Variants in LNPEP observed in about 807,000 individuals in gnomAD.
The protein encoded by LNPEP is leucyl and cystinyl aminopeptidase.
A neutral mutation model predicts 120.6 loss-of-function variants in LNPEP; 64 were observed. The observed-to-expected ratio is 0.53, with a 90% CI of 0.43 to 0.65. The LOEUF (loss-of-function observed/expected upper bound fraction) is 0.65. Among genes scored for constraint, LNPEP ranks in the 30% least tolerant of loss-of-function variants. The pLI, the probability that LNPEP is intolerant of heterozygous loss-of-function variation, is 0.00. For missense variants in LNPEP, 1,057 were observed against 1,200.0 expected (o/e 0.88, Z 1.76); for synonymous variants, 435 against 425.4 (o/e 1.02, Z -0.28).
At chr5:96,995,122 A>T (rs1251345752) in intron 6 of LNPEP, among the ~76,000 whole-genome samples, 2 of 152,184 alleles carry the variant, frequency 1.3e-5, no homozygotes, top group Non-Finnish European at 2.9e-5. Context: ...AAAATAGGTC[A>T]TATAGATAAG....
rs1790077963 is a variant in LNPEP, at chr5:96,979,626, A to G, written c.508A>G (p.Thr170Ala). The G allele has an allele frequency of 6.2e-7, 1 of 1,614,124 alleles. No homozygotes were observed. Among genetic ancestry groups the G allele is most frequent in the South Asian group, 1.1e-5 (1 of 91,088 alleles). The change falls in exon 2 of 18, where the codon ACT becomes GCT. Residue 170 changes from threonine to alanine, a missense_variant. Thr to Ala is a moderately conservative substitution (Grantham distance 58). Coordinates refer to ENST00000231368, the MANE Select transcript of LNPEP (RefSeq NM_005575.3). Reference sequence around the variant, plus strand: ...TCCATGGGCACAGATCAGGCTTCCCACTGCCGTTGTGCCACTACGCTATGA... The same window carrying G: ...TCCATGGGCACAGATCAGGCTTCCCGCTGCCGTTGTGCCACTACGCTATGA... The part of the protein sequence containing the change: ...LFPWAQIRLP[T>A]AVVPLRYELS...
chr5:96,998,096 A>G lies in LNPEP; in HGVS notation c.1604A>G (p.Gln535Arg), dbSNP rs1334691823. Reference protein sequence around the residue: ...NSSHPISSSVQSSEQIEEMFD... With the variant: ...NSSHPISSSVRSSEQIEEMFD... ...TCTCATCCAATATCATCATCTGTTC[A>G]GTCTTCAGAACAAATTGAAGAAATG... Residue 535 changes from glutamine to arginine, a missense_variant, in exon 8 of 18, where the codon CAG (glutamine) becomes CGG (arginine). Gln to Arg is a conservative substitution (Grantham distance 43, BLOSUM62 1). Coordinates refer to ENST00000231368, the MANE Select transcript of LNPEP (RefSeq NM_005575.3). 1 of 1,588,968 alleles carries G rather than the reference A, an allele frequency of 6.3e-7. No individual in the cohort carries two copies. Among genetic ancestry groups the G allele is most frequent in the Non-Finnish European group, 8.6e-7 (1 of 1,161,230 alleles).
chr5:96,989,344 T>C (rs1227102393), intron 4 of LNPEP, among the ~76,000 whole-genome samples: 1,057 of 24,006 alleles, frequency 0.044, 19 homozygotes, highest in African/African-American at 0.13. Flanking sequence ...ATATAATATA[T>C]AATATATTAT....
chr5:96,967,744 G>T (rs1172130185), intron 1 of LNPEP, among the ~76,000 whole-genome samples: 1 of 152,072 alleles, frequency 6.6e-6, no homozygotes, highest in Non-Finnish European at 1.5e-5. Context: ...AAGAGTTTAT[G>T]CATGGACATG....
intron 3 of LNPEP, 86 bp from the exon 4 acceptor site, chr5:96,986,453 C>G: frequency 1.5e-6 from 2 of 1,299,274 alleles, no homozygotes; most frequent in African/African-American, 1.5e-5. Flanking sequence ...CATTTATTTC[C>G]TATTTGAATT....
At chr5:97,008,929 AGC>A (rs951002436) in intron 11 of LNPEP, among the ~76,000 whole-genome samples, 8 of 151,886 alleles carry the variant, frequency 5.3e-5, no homozygotes, top group African/African-American at 1.9e-4. Context: ...TGGGATTACA[AGC>A]GTGAGCCACT....
chr5:96,964,108 T>C (rs1317729127), intron 1 of LNPEP, among the ~76,000 whole-genome samples: 1 of 151,024 alleles, frequency 6.6e-6, no homozygotes, highest in African/African-American at 2.4e-5. Context: ...ATGATTGATA[T>C]CAACTTTTTT....
intron 1 of LNPEP, among the ~76,000 whole-genome samples, chr5:96,967,314 T>TA (rs200632607): frequency 7.7e-4 from 105 of 136,396 alleles, no homozygotes; most frequent in Middle Eastern, 4.4e-3. Context: ...TTATTATTAT[T>TA]TTTTTTTTTT....
At chr5:96,957,756 T>C (rs913683551) in intron 1 of LNPEP, among the ~76,000 whole-genome samples, 3 of 152,202 alleles carry the variant, frequency 2.0e-5, no homozygotes, top group Non-Finnish European at 2.9e-5. Context: ...GTGAGACCCA[T>C]TGTAGACTTC....
chr5:96,936,804 G>A (rs1788904158), intron 1 of LNPEP: 1 of 141,818 alleles, frequency 7.1e-6, no homozygotes, highest in Non-Finnish European at 1.6e-5. Context: ...ACTGGCTGCA[G>A]ATCACATCAG....
In LNPEP at chr5:96,979,237, A is replaced by C; in HGVS notation, c.119A>C (p.Glu40Ala). 6.2e-7 allele frequency: 1 copy of C among 1,613,946 alleles called. No homozygotes were observed. Among genetic ancestry groups the C allele is most frequent in the Non-Finnish European group, 8.5e-7 (1 of 1,179,890 alleles). ...LAKEPCLHPL[E>A]PDEVEYEPRG... ...AAAGAGCCTTGTTTACATCCTCTAG[A>C]GCCTGATGAGGTGGAATATGAGCCC... is the stretch of plus-strand genomic sequence containing the variant. The change falls in exon 2 of 18, where the codon GAG becomes GCG. Residue 40 changes from glutamate (E) to alanine (A), a missense_variant. Glu to Ala is a moderately radical substitution (Grantham distance 107). Coordinates refer to ENST00000231368, the MANE Select transcript of LNPEP (RefSeq NM_005575.3).
rs890860169 is a variant in LNPEP at position 97,032,792 on chromosome 5, G to A, written c.*4259G>A. ...GCGGTGGTCCAAAAGCATGACAGAT[G>A]TCCCCTTTGCGTTTCTCCTTATTGT... On this transcript the variant is annotated 3_prime_UTR_variant, in exon 18 of 18. Coordinates refer to ENST00000231368, the MANE Select transcript of LNPEP (RefSeq NM_005575.3). 2.6e-5 allele frequency: 4 copies of A among 152,066 alleles called. No individual in the cohort carries two copies. The highest frequency in any genetic ancestry group is 9.7e-5 in the African/African-American group (4 of 41,396). 9.4% of individuals were successfully genotyped at this position (152,066 alleles called of 1,614,324 possible). A position where few individuals can be genotyped will look rare whatever the true frequency, so the allele number is the denominator to read the frequency against.
chr5:96,962,264 G>A (rs934471762), intron 1 of LNPEP, among the ~76,000 whole-genome samples: 2 of 152,130 alleles, frequency 1.3e-5, no homozygotes, highest in African/African-American at 4.8e-5. Flanking sequence ...GGTGTTAAAG[G>A]GGTATACGTA....
rs142298642 is a variant in LNPEP at position 96,990,235 on chromosome 5, C to G, written c.1132-2780C>G. Among the ~76,000 whole-genome samples the G allele has an allele frequency of 4.1e-3, 617 of 152,164 alleles. 5 individuals are homozygous for G. The highest frequency in any genetic ancestry group is 0.014 in the African/African-American group (594 of 41,526). ...GTGTGTGTGTGTATATTAAAACTGA[C>G]TTCTGTAGGGGAAAGATGCAGGAAA... On this transcript the variant is annotated intron_variant, in intron 4 of 17. Transcript: ENST00000231368.
Position 96,979,387 on chromosome 5 carries a change from A to G in LNPEP, c.269A>G (p.Asn90Ser). The G allele has an allele frequency of 6.2e-7, 1 of 1,614,108 alleles. No homozygotes were observed. Among genetic ancestry groups the G allele is most frequent in the Non-Finnish European group, 8.5e-7 (1 of 1,179,984 alleles). Residue 90 changes from asparagine to serine, a missense_variant, in exon 2 of 18, where the codon AAC (asparagine) becomes AGC (serine). Physicochemically the swap from Asn to Ser is conservative, Grantham distance 46. Transcript: ENST00000231368. ...SFMNRSSGLR[N>S]SATGYRQSPD... is the part of the protein sequence containing the mutation. ...ATGAATAGAAGCTCAGGCCTTCGGA[A>G]CAGTGCAACTGGTTACAGGCAGAGC...
chr5:96,976,720 C>CA (rs1790005854), intron 1 of LNPEP, among the ~76,000 whole-genome samples: 1 of 150,732 alleles, frequency 6.6e-6, no homozygotes, highest in African/African-American at 2.4e-5. Flanking sequence ...GTAAAAAAGT[C>CA]AAAAAAGGCC....
chr5:96,958,957 T>C (rs1789535338), intron 1 of LNPEP, among the ~76,000 whole-genome samples: 1 of 151,236 alleles, frequency 6.6e-6, no homozygotes, highest in African/African-American at 2.4e-5. Flanking sequence ...GCCTTCCGAG[T>C]AGGGATTACA....
rs1561430223 is a variant in LNPEP at position 96,954,765 on chromosome 5, TATATA to T, written c.19+18592_19+18596del. ...ATATATACACATATATATATATATA[TATATA>T]TATTTTTTTTTTTTTTTTTTTTTTT... On this transcript the variant is annotated intron_variant, in intron 1 of 17. Transcript: ENST00000231368. Among the ~76,000 whole-genome samples the T allele has an allele frequency of 1.5e-3, 62 of 42,714 alleles. 12 individuals are homozygous for T. Among genetic ancestry groups the T allele is most frequent in the African/African-American group, 4.3e-3 (50 of 11,506 alleles). The allele number at this position is 42,714 out of a possible 152,430, so 28.0% of individuals were successfully genotyped here. A position where few individuals can be genotyped will look rare whatever the true frequency, so the allele number is the denominator to read the frequency against.
intron 2 of LNPEP, among the ~76,000 whole-genome samples, chr5:96,984,483 T>G (rs1790196038): frequency 6.6e-6 from 1 of 152,184 alleles, no homozygotes; most frequent in South Asian, 2.1e-4. Context: ...CCTCCAGTAA[T>G]TGTTTGTGGA....
Sources: allele counts gnomAD v4.1 joint callset (sites outside exome capture counted in the v4.1 genomes callset), GRCh38; gene constraint gnomAD v4.1.1; transcripts MANE v1.5; gene names NCBI Gene and HGNC (gene_info 2026-07-23, HGNC 2026-07-21).